Variants in PBRM1 observed in about 807,000 individuals in gnomAD.
PBRM1 encodes polybromo 1.
In PBRM1, 27 loss-of-function variants were observed where a neutral mutation model predicts 194.5. The observed-to-expected ratio is 0.14, with a 90% confidence interval of 0.10 to 0.19. The LOEUF is 0.19. Among genes scored for constraint, PBRM1 ranks in the 10% least tolerant of loss-of-function variants. The pLI is 1.00. For missense variants in PBRM1, 1,466 were observed against 2,077.2 expected (o/e 0.71, Z 5.72); for synonymous variants, 655 against 693.2 (o/e 0.94, Z 0.87).
exon 27 of PBRM1, chr3:52,554,741 G>A (rs1269557269): frequency 3.9e-6 from 6 of 1,557,554 alleles, no homozygotes; most frequent in South Asian, 1.2e-5. Flanking sequence ...TGGGATGCCC[G>A]GGAGGCCAGG....
intron 13 of PBRM1, among the ~76,000 whole-genome samples, chr3:52,618,950 T>C (rs1426353888): frequency 2.6e-5 from 4 of 152,194 alleles, no homozygotes; most frequent in African/African-American, 7.2e-5. Flanking sequence ...GGTTTCTCCA[T>C]GTTGGTCAGG....
At chr3:52,551,109 C>T (rs913467493) in intron 27 of PBRM1, among the ~76,000 whole-genome samples, 1 of 152,232 alleles carries the variant, frequency 6.6e-6, no homozygotes, top group Non-Finnish European at 1.5e-5. Context: ...AAGCTATTGT[C>T]AGAATATACC....
chr3:52,564,653 A>C (rs1229778880), intron 22 of PBRM1, among the ~76,000 whole-genome samples: 2 of 50,366 alleles, frequency 4.0e-5, no homozygotes, highest in East Asian at 1.2e-3. Context: ...CTATCTCAAG[A>C]AAAAAAAAAA....
intron 22 of PBRM1, among the ~76,000 whole-genome samples, chr3:52,573,218 T>C (rs1020307345): frequency 6.6e-6 from 1 of 152,238 alleles, no homozygotes; most frequent in African/African-American, 2.4e-5. Flanking sequence ...CAGGGTCATG[T>C]TGAAAATTAA....
chr3:52,634,849 G>A (rs768077725), intron 10 of PBRM1, 34 bp from the exon 12 acceptor site: 9 of 1,405,668 alleles, frequency 6.4e-6, no homozygotes, highest in Non-Finnish European at 8.0e-6. Flanking sequence ...ATAAAGGGAC[G>A]AATGAGATGA....
At chr3:52,683,851 C>CAAAAAA (rs374015102), upstream of PBRM1, among the ~76,000 whole-genome samples, 1 of 149,182 alleles carries the variant, frequency 6.7e-6, no homozygotes, top group African/African-American at 2.5e-5. Context: ...TTGAGACCTT[C>CAAAAAA]AAAAAAAAAA....
At chr3:52,571,626 CAAAAAAAA>C (rs778993265) in intron 22 of PBRM1, among the ~76,000 whole-genome samples, 12 of 38,720 alleles carry the variant, frequency 3.1e-4, no homozygotes, top group African/African-American at 1.1e-3. Flanking sequence ...AACTCCATCT[CAAAAAAAA>C]AAAAAAAAAA....
intron 20 of PBRM1, among the ~76,000 whole-genome samples, chr3:52,585,286 C>T (rs1008738212): frequency 1.3e-5 from 2 of 152,130 alleles, no homozygotes; most frequent in Admixed American, 1.3e-4. Flanking sequence ...ACAGCTTCAA[C>T]AGTATAATAA....
chr3:52,631,324 T>C (rs1169846660), intron 11 of PBRM1, among the ~76,000 whole-genome samples: 1 of 150,322 alleles, frequency 6.7e-6, no homozygotes, highest in African/African-American at 2.5e-5. Context: ...AAAAAAAAAA[T>C]TATTACTGAT....
intron 13 of PBRM1, among the ~76,000 whole-genome samples, chr3:52,627,021 G>A (rs1444929121): frequency 6.7e-6 from 1 of 149,618 alleles, no homozygotes; most frequent in Non-Finnish European, 1.5e-5. Context: ...AAACCCAGAC[G>A]GCAAACGGAA....
chr3:52,627,147 A>G (rs2095473291), intron 13 of PBRM1, 126 bp downstream of exon 14: 1 of 531,642 alleles, frequency 1.9e-6, no homozygotes. Context: ...GAATTTTAAA[A>G]GAGAACACAT....
intron 17 of PBRM1, among the ~76,000 whole-genome samples, chr3:52,589,655 T>A (rs1355653059): frequency 6.6e-6 from 1 of 152,168 alleles, no homozygotes; most frequent in Non-Finnish European, 1.5e-5. Flanking sequence ...TTAATGTGTT[T>A]CATTTCACTA....
chr3:52,589,379 A>C, intron 17 of PBRM1, 124 bp from the exon 20 acceptor site: 1 of 528,956 alleles, frequency 1.9e-6, no homozygotes, highest in Non-Finnish European at 3.1e-6. Context: ...CATTTGCAAC[A>C]TGCGAAGGCA....
At chr3:52,608,994 A>G in intron 16 of PBRM1, 1 of 245,678 alleles carries the variant, frequency 4.1e-6, no homozygotes, top group Non-Finnish European at 7.9e-6. Flanking sequence ...CGCTGTTACT[A>G]TTTCCAATTA....
intron 20 of PBRM1, among the ~76,000 whole-genome samples, chr3:52,581,250 C>T (rs2091090640): frequency 6.6e-6 from 1 of 152,218 alleles, no homozygotes; most frequent in Non-Finnish European, 1.5e-5. Context: ...TGGCTTACGC[C>T]TGTAATCCCA....
At chr3:52,580,271 T>G (rs1183869940) in intron 20 of PBRM1, among the ~76,000 whole-genome samples, 1 of 152,074 alleles carries the variant, frequency 6.6e-6, no homozygotes, top group South Asian at 2.1e-4. Flanking sequence ...AAAAAACAAC[T>G]GATAGATCTA....
intron 6 of PBRM1, among the ~76,000 whole-genome samples, chr3:52,651,080 T>C (rs1268875309): frequency 1.3e-5 from 2 of 152,186 alleles, no homozygotes; most frequent in Non-Finnish European, 2.9e-5. Flanking sequence ...GTGCTTCAGT[T>C]TTCTAACTTG....
At chr3:52,649,031 G>C (rs76906908) in intron 6 of PBRM1, among the ~76,000 whole-genome samples, 5,068 of 152,218 alleles carry the variant, frequency 0.033, 280 homozygotes, top group African/African-American at 0.11. Context: ...ATGACTAATG[G>C]TAAGTACATG....
At chr3:52,550,680 T>C in intron 28 of PBRM1, 43 bp from the exon 31 acceptor site, 1 of 1,579,178 alleles carries the variant, frequency 6.3e-7, no homozygotes, top group South Asian at 1.1e-5. Context: ...AAAGAGACTC[T>C]GCACATGTTC....
Sources: gnomAD v4.1 joint callset for allele counts (sites outside exome capture counted in the v4.1 genomes callset) on GRCh38, gnomAD v4.1.1 for gene constraint, MANE v1.5 for transcripts, NCBI Gene and HGNC (gene_info 2026-07-23, HGNC 2026-07-21) for gene names.